Variants in LRBA observed in about 807,000 individuals in gnomAD.
The protein encoded by LRBA is LPS responsive beige-like anchor protein, also known as lipopolysaccharide-responsive and beige-like anchor protein.
Under a neutral mutation model 330.0 loss-of-function variants are expected in LRBA, and 176 were observed. The ratio of observed to expected loss-of-function variants is 0.53; its 90% CI spans 0.47 to 0.60. LRBA has a LOEUF of 0.60. Ranked by LOEUF, LRBA falls within the 20% of genes least tolerant of loss-of-function variation. LRBA has a pLI of 0.00. For missense variants in LRBA, 3,259 were observed against 3,444.8 expected, an observed-to-expected ratio of 0.95 and a Z score of 1.35; for synonymous variants, 1,230 against 1,193.0, an observed-to-expected ratio of 1.03 and a Z score of -0.64.
chr4:150,289,253 T>A (rs35370115), intron 53 of LRBA, among the ~76,000 whole-genome samples: 1 of 151,930 alleles, frequency 6.6e-6, no homozygotes, highest in South Asian at 2.1e-4. Flanking sequence ...ATCCAAACTT[T>A]ATTAAATCAT....
intron 40 of LRBA, among the ~76,000 whole-genome samples, chr4:150,492,473 CAG>C (rs546970169): frequency 4.0e-4 from 61 of 152,102 alleles, no homozygotes; most frequent in Non-Finnish European, 7.6e-4. Flanking sequence ...ACATTACTCT[CAG>C]AGATTGCATG....
chr4:150,465,507 G>A (rs573548541), intron 44 of LRBA, among the ~76,000 whole-genome samples: 5 of 152,110 alleles, frequency 3.3e-5, no homozygotes, highest in South Asian at 4.1e-4. Context: ...TTCCACATCC[G>A]TGCCAACACT....
intron 43 of LRBA, 52 bp from the exon 44 acceptor site, chr4:150,467,837 C>A (rs1561219217): frequency 2.4e-6 from 2 of 819,580 alleles, no homozygotes; most frequent in Admixed American, 2.4e-5. Context: ...GTGAAATAAA[C>A]AGATTCAGTA....
intron 37 of LRBA, among the ~76,000 whole-genome samples, chr4:150,653,933 T>C (rs952922467): frequency 6.6e-6 from 1 of 152,114 alleles, no homozygotes; most frequent in African/African-American, 2.4e-5. Context: ...AGAGTAACAA[T>C]AGCAATACTA....
intron 17 of LRBA, among the ~76,000 whole-genome samples, chr4:150,891,198 T>C (rs1054349421): frequency 1.3e-5 from 2 of 152,204 alleles, no homozygotes; most frequent in South Asian, 4.1e-4. Context: ...TTCCTAAGTA[T>C]GGTATATACT....
intron 2 of LRBA, among the ~76,000 whole-genome samples, chr4:151,004,193 T>C (rs1223125758): frequency 6.6e-6 from 1 of 152,166 alleles, no homozygotes; most frequent in Non-Finnish European, 1.5e-5. Flanking sequence ...CCTGCCACCA[T>C]GCCCGGCTAA....
At chr4:150,474,009 G>A (rs1436295069) in intron 42 of LRBA, among the ~76,000 whole-genome samples, 1 of 152,086 alleles carries the variant, frequency 6.6e-6, no homozygotes, top group East Asian at 1.9e-4. Context: ...TTTTTCTTCT[G>A]TGGATTATGC....
intron 40 of LRBA, among the ~76,000 whole-genome samples, chr4:150,559,190 C>T (rs1767727723): frequency 6.6e-6 from 1 of 152,068 alleles, no homozygotes; most frequent in Non-Finnish European, 1.5e-5. Flanking sequence ...TCAAGAAAGA[C>T]AAAGATAGCC....
At chr4:150,522,997 A>C (rs1466784145) in intron 40 of LRBA, among the ~76,000 whole-genome samples, 2 of 152,116 alleles carry the variant, frequency 1.3e-5, no homozygotes, top group Non-Finnish European at 2.9e-5. Flanking sequence ...TTGTATTTTG[A>C]AGGCGGTAAC....
intron 37 of LRBA, among the ~76,000 whole-genome samples, chr4:150,599,865 A>T (rs1435389981): frequency 6.6e-6 from 1 of 152,186 alleles, no homozygotes; most frequent in Admixed American, 6.6e-5. Flanking sequence ...TTTTCAAGCA[A>T]ATCAGATTGG....
At chr4:150,995,480 A>G (rs1315093935) in intron 2 of LRBA, among the ~76,000 whole-genome samples, 1 of 152,128 alleles carries the variant, frequency 6.6e-6, no homozygotes. Flanking sequence ...AGAGATATAG[A>G]AAGTATGACT....
At chr4:150,676,263 A>G (rs1315971782) in intron 37 of LRBA, among the ~76,000 whole-genome samples, 1 of 152,236 alleles carries the variant, frequency 6.6e-6, no homozygotes, top group Non-Finnish European at 1.5e-5. Flanking sequence ...GCCCTTTTAT[A>G]ACCTCCAAAT....
intron 40 of LRBA, chr4:150,582,934 T>C (rs1361492298): frequency 1.4e-6 from 2 of 1,447,964 alleles, no homozygotes; most frequent in Non-Finnish European, 1.9e-6. Context: ...GCGCACCGCC[T>C]CTTTCGAAAG....
At chr4:150,644,225 A>G (rs951884844) in intron 37 of LRBA, among the ~76,000 whole-genome samples, 48 of 151,966 alleles carry the variant, frequency 3.2e-4, no homozygotes, top group African/African-American at 1.2e-3. Context: ...TTAAAATATA[A>G]TACACATCAA....
intron 36 of LRBA, among the ~76,000 whole-genome samples, chr4:150,712,797 C>A (rs960432376): frequency 9.2e-5 from 14 of 152,112 alleles, no homozygotes; most frequent in Non-Finnish European, 4.4e-5. Flanking sequence ...ACGGCAAAAC[C>A]CAAAGAGATT....
Position 150,325,945 on chromosome 4 carries a change from A to T in LRBA, c.7363-47T>A, listed in dbSNP as rs769360940. On this transcript the variant is annotated intron_variant, in intron 48 of 56. Coordinates refer to ENST00000651943, the MANE Select transcript of LRBA (RefSeq NM_001364905.1). ...CTGAAGGTTAAGAGGTGCTAATTAC[A>T]GGAAATAGAACCCCAACTGTCACCT... is the stretch of plus-strand genomic sequence containing the variant. 3 of 1,004,792 alleles carry T rather than the reference A, an allele frequency of 3.0e-6. No individual in the cohort carries two copies. The Middle Eastern group carries it at 6.3e-4, about 211-fold the overall frequency. The allele number at this position is 1,004,792 out of a possible 1,614,324, so 62.2% of individuals were successfully genotyped here.
At chr4:150,679,394 A>T (rs776044015) in intron 37 of LRBA, among the ~76,000 whole-genome samples, 32 of 152,340 alleles carry the variant, frequency 2.1e-4, no homozygotes, top group Non-Finnish European at 3.5e-4. Flanking sequence ...AGGTCAGCTA[A>T]CTGTCCACTG....
intron 34 of LRBA, among the ~76,000 whole-genome samples, chr4:150,762,371 G>A (rs1471721680): frequency 1.3e-5 from 2 of 151,758 alleles, no homozygotes; most frequent in Non-Finnish European, 3.0e-5. Flanking sequence ...ACTGCCCTAT[G>A]AATTAGTAAT....
intron 36 of LRBA, among the ~76,000 whole-genome samples, chr4:150,723,431 G>T (rs930535702): frequency 1.3e-5 from 2 of 152,126 alleles, no homozygotes; most frequent in African/African-American, 4.8e-5. Context: ...GCTCTCAGAT[G>T]ATATTTCATT....
Sources: allele counts gnomAD v4.1 joint callset (sites outside exome capture counted in the v4.1 genomes callset), GRCh38; gene constraint gnomAD v4.1.1; transcripts MANE v1.5; gene names NCBI Gene and HGNC (gene_info 2026-07-23, HGNC 2026-07-21).